PCDHA1: variants seen among roughly 807,000 people sequenced by gnomAD.
The protein encoded by PCDHA1 is protocadherin alpha-1.
Under a neutral mutation model 61.3 loss-of-function variants are expected in PCDHA1, and 42 were observed. That is an observed-to-expected ratio of 0.69 (90% CI 0.54 to 0.89). The LOEUF is 0.89. PCDHA1 is among the 40% of genes least tolerant of loss of function. The pLI, the probability that PCDHA1 is intolerant of heterozygous loss-of-function variation, is 0.00. For synonymous variants in PCDHA1, 610 were observed against 553.8 expected (o/e 1.10, Z -1.43); for missense variants, 1,256 against 1,235.3 (o/e 1.02, Z -0.25).
At chr5:140,866,823 A>G (rs1375177663) in intron 1 of PCDHA1, 1 of 152,130 alleles carries the variant, frequency 6.6e-6, no homozygotes, top group Non-Finnish European at 1.5e-5. Context: ...TTAATCTTCA[A>G]TTGATTTTAC....
At chr5:140,890,995 AATTATTG>A (rs2062893933) in intron 1 of PCDHA1, among the ~76,000 whole-genome samples, 1 of 152,138 alleles carries the variant, frequency 6.6e-6, no homozygotes, top group Non-Finnish European at 1.5e-5. Context: ...ATTTCATCAT[AATTATTG>A]AAAAGCATTT....
At position 140,855,161 on chromosome 5, in the gene PCDHA1, C is replaced by T. The variant is rs1469242390; in HGVS notation, c.2394+66477C>T. On this transcript the variant is annotated intron_variant, in intron 1 of 3. Coordinates refer to ENST00000504120, the MANE Select transcript of PCDHA1 (RefSeq NM_018900.4). ...TGATGAGCCAAATTTGGTATTGAGC[C>T]TCATGAAAACAAATGTGGCCAAATT... Among the ~76,000 whole-genome samples, 4 of 149,656 alleles carry T rather than the reference C, an allele frequency of 2.7e-5. 1 individual carries two copies. Among genetic ancestry groups the T allele is most frequent in the African/African-American group, 9.8e-5 (4 of 40,822 alleles).
intron 1 of PCDHA1, among the ~76,000 whole-genome samples, chr5:140,846,372 TC>T (rs146357297): frequency 0.2 from 13,294 of 65,432 alleles, 1,456 homozygotes; most frequent in African/African-American, 0.26. Flanking sequence ...TTTCTTTCTT[TC>T]TTTTTTTTTT....
At chr5:140,899,400 AG>A (rs1331352997) in intron 1 of PCDHA1, among the ~76,000 whole-genome samples, 2 of 152,132 alleles carry the variant, frequency 1.3e-5, no homozygotes, top group Non-Finnish European at 2.9e-5. Context: ...TTTAGCATGA[AG>A]GGTTGTTGAA....
chr5:140,889,035 T>C (rs1554183751), intron 1 of PCDHA1, among the ~76,000 whole-genome samples: 2 of 152,104 alleles, frequency 1.3e-5, no homozygotes. Flanking sequence ...AACCGTAATT[T>C]GATTATAATT....
At chr5:140,856,260 G>T (rs782445424) in intron 1 of PCDHA1, 1 of 1,598,174 alleles carries the variant, frequency 6.3e-7, no homozygotes, top group Non-Finnish European at 8.6e-7. Context: ...AAAAGACACG[G>T]GGACCTTCTG....
At chr5:140,813,153 C>T (rs1267640659) in intron 1 of PCDHA1, 2 of 152,114 alleles carry the variant, frequency 1.3e-5, no homozygotes, top group Admixed American at 1.3e-4. Context: ...CTGTTAGTTC[C>T]ATTTCAGCTA....
Position 141,009,850 on chromosome 5 carries a change from C to CAAGAAAAAG in PCDHA1, c.2781_2789dup (p.Lys928_Lys930dup). ...TAACCTTCGGCAAAAAGGAGGAGAC[C>CAAGAAAAAG]AAGAAAAAGAAGAAAAAGAAGAAGG... On this transcript the variant is annotated inframe_insertion, in exon 4 of 4. Coordinates refer to ENST00000504120, the MANE Select transcript of PCDHA1 (RefSeq NM_018900.4). The CAAGAAAAAG allele has an allele frequency of 1.2e-6, 2 of 1,613,572 alleles. No individual in the cohort carries two copies. Among genetic ancestry groups the CAAGAAAAAG allele is most frequent in the Non-Finnish European group, 1.7e-6 (2 of 1,179,906 alleles).
chr5:140,788,460 T>C lies in PCDHA1; in HGVS notation c.2170T>C (p.Ser724Pro), dbSNP rs1384629719. The C allele has an allele frequency of 3.7e-6, 6 of 1,614,066 alleles. No individual in the cohort carries two copies. Among genetic ancestry groups the C allele is most frequent in the Non-Finnish European group, 5.1e-6 (6 of 1,179,986 alleles). Residue 724 changes from serine (S) to proline (P), a missense_variant, in exon 1 of 4, where the codon TCA becomes CCA. Transcript: ENST00000504120. The part of the protein sequence containing the change: ...TLLLYTALRC[S>P]VPPTEGAYVP... ...GCTGCTGTACACGGCGCTGCGGTGC[T>C]CAGTGCCGCCCACTGAGGGTGCGTA... is the stretch of plus-strand genomic sequence containing the variant.
At chr5:140,872,812 C>G (rs1233699706) in intron 1 of PCDHA1, among the ~76,000 whole-genome samples, 2 of 152,144 alleles carry the variant, frequency 1.3e-5, no homozygotes, top group African/African-American at 4.8e-5. Context: ...ATAAGTTTTT[C>G]AGATTCATCT....
intron 1 of PCDHA1, among the ~76,000 whole-genome samples, chr5:140,794,647 GT>G (rs1761871201): frequency 6.6e-6 from 1 of 152,118 alleles, no homozygotes; most frequent in Non-Finnish European, 1.5e-5. Flanking sequence ...TTTAACCAGA[GT>G]AAAAAAGGGT....
chr5:140,823,055 G>A, intron 1 of PCDHA1: 1 of 1,614,176 alleles, frequency 6.2e-7, no homozygotes, highest in Non-Finnish European at 8.5e-7. Flanking sequence ...GTGACCGCGC[G>A]GGACGGGGGC....
chr5:140,936,151 C>T (rs947807537), intron 1 of PCDHA1, among the ~76,000 whole-genome samples: 66 of 152,246 alleles, frequency 4.3e-4, no homozygotes, highest in African/African-American at 1.5e-3. Context: ...CCTTGGCCTC[C>T]TAAAGTGCTG....
In PCDHA1 at chr5:140,843,411, A is replaced by G. The variant is rs2150359358; in HGVS notation, c.2394+54727A>G. On this transcript the variant is annotated intron_variant, in intron 1 of 3. Transcript: ENST00000504120. The stretch of plus-strand genomic sequence containing the variant: ...CCGGAAGCGGCGCTGGTGGATGTCA[A>G]CGTGTACCTGATCATCGCCATCTGC... 2.5e-5 allele frequency: 40 copies of G among 1,596,006 alleles called. 6 individuals carry two copies. The highest frequency in any genetic ancestry group is 1.1e-4 in the African/African-American group (8 of 74,534).
Position 140,786,471 on chromosome 5 carries a change from C to A in PCDHA1, c.181C>A (p.Pro61Thr), listed in dbSNP as rs1761309704. ...DLGLELAELV[P>T]RLFRVASKTH... ...GGGACTGGAGCTGGCGGAGCTGGTGCCTCGCCTGTTCCGGGTGGCGTCCAA... is the reference window on the plus strand; with the variant it reads ...GGGACTGGAGCTGGCGGAGCTGGTGACTCGCCTGTTCCGGGTGGCGTCCAA... The change falls in exon 1 of 4, where the codon CCT becomes ACT. Residue 61 changes from proline to threonine, a missense_variant. Transcript: ENST00000504120. 1 of 1,613,536 alleles carries A rather than the reference C, an allele frequency of 6.2e-7. No individual in the cohort carries two copies. The highest frequency in any genetic ancestry group is 8.5e-7 in the Non-Finnish European group (1 of 1,180,038).
At chr5:140,871,636 T>C in intron 1 of PCDHA1, 1 of 1,364,788 alleles carries the variant, frequency 7.3e-7, no homozygotes, top group Non-Finnish European at 9.8e-7. Flanking sequence ...TGTCTGTTCA[T>C]AAAATACCAA....
At chr5:140,888,673 A>T (rs571585641) in intron 1 of PCDHA1, among the ~76,000 whole-genome samples, 1 of 152,298 alleles carries the variant, frequency 6.6e-6, no homozygotes, top group Admixed American at 6.5e-5. Context: ...TGCCCTGTGC[A>T]TTAAGAGGTC....
chr5:140,929,311 A>G lies in PCDHA1; in HGVS notation c.2395-49638A>G, dbSNP rs782099747. The stretch of plus-strand genomic sequence containing the variant: ...TCGGAATAGGAAAGGGGATCACGCT[A>G]ATGTCAATGCCATGGTAAGCAAATT... On this transcript the variant is annotated intron_variant, in intron 1 of 3. Coordinates refer to ENST00000504120, the MANE Select transcript of PCDHA1 (RefSeq NM_018900.4). The G allele has an allele frequency of 1.9e-6, 3 of 1,567,640 alleles. No individual in the cohort carries two copies. The South Asian group carries it at 3.5e-5, about 18-fold the overall frequency.
chr5:140,846,294 A>G (rs2150386529), intron 1 of PCDHA1, among the ~76,000 whole-genome samples: 1 of 149,296 alleles, frequency 6.7e-6, no homozygotes, highest in Non-Finnish European at 1.5e-5. Flanking sequence ...AGTTCTATGA[A>G]TTAAGTAAAC....
Sources: gnomAD v4.1 joint callset for allele counts (sites outside exome capture counted in the v4.1 genomes callset) on GRCh38, gnomAD v4.1.1 for gene constraint, MANE v1.5 for transcripts, NCBI Gene and HGNC (gene_info 2026-07-23, HGNC 2026-07-21) for gene names.